SOD2: variants seen among roughly 807,000 people sequenced by gnomAD.
The protein encoded by SOD2 is superoxide dismutase 2, also known as superoxide dismutase [Mn], mitochondrial.
Under a neutral mutation model 27.0 loss-of-function variants are expected in SOD2, and 11 were observed. The ratio of observed to expected loss-of-function variants is 0.41; its 90% CI spans 0.26 to 0.67. SOD2 has a LOEUF of 0.67. Ranked by LOEUF, SOD2 falls within the 30% of genes least tolerant of loss-of-function variation. The probability of loss-of-function intolerance (pLI) is 0.34; values close to 1 mark genes in which losing one functional copy is unlikely to be tolerated. For missense variants in SOD2, 250 were observed against 274.5 expected, an observed-to-expected ratio of 0.91 and a Z score of 0.63; for synonymous variants, 105 against 103.0, an observed-to-expected ratio of 1.02 and a Z score of -0.12.
rs764150989 is a variant in SOD2 at position 159,682,618 on chromosome 6, T to C, written c.544A>G (p.Ile182Val). Residue 182 changes from isoleucine (I) to valine (V), a missense_variant, in exon 5 of 5, where the codon ATT (isoleucine) becomes GTT (valine). Coordinates refer to ENST00000538183, the MANE Select transcript of SOD2 (RefSeq NM_000636.4). ...GTTGLIPLLG[I>V]DVWEHAYYLQ... ...TAGTAAGCGTGCTCCCACACATCAA[T>C]CCCCAGCAGTGGAATAAGGCCTGTT... 6.2e-7 allele frequency: 1 copy of C among 1,612,304 alleles called. No individual in the cohort carries two copies. The highest frequency in any genetic ancestry group is 2.2e-5 in the East Asian group (1 of 44,750).
chr6:159,758,702 TGGTAA>T (rs1219399791), intron 1 of SOD2, among the ~76,000 whole-genome samples: 1 of 152,164 alleles, frequency 6.6e-6, no homozygotes, highest in Non-Finnish European at 1.5e-5. Context: ...TAGCCCCTAG[TGGTAA>T]GGAGTACACT....
Position 159,692,841 on chromosome 6 carries a change from C to G in SOD2, c.46G>C (p.Val16Leu), listed in dbSNP as rs774208220. 6.2e-7 allele frequency: 1 copy of G among 1,611,342 alleles called. No homozygotes were observed. Among genetic ancestry groups the G allele is most frequent in the Admixed American group, 1.7e-5 (1 of 59,676 alleles). Residue 16 changes from valine to leucine, a missense_variant, in exon 2 of 5, where the codon GTT (valine) becomes CTT (leucine). Coordinates refer to ENST00000538183, the MANE Select transcript of SOD2 (RefSeq NM_000636.4). ...TGCCTGGAGCCCAGATACCCCAAAA[C>G]CGGAGCCAGCTGCCTGCTGGTGCTG... ...VCGTSRQLAP[V>L]LGYLGSRQKH...
chr6:159,748,147 G>T, upstream of SOD2: 1 of 1,570,508 alleles, frequency 6.4e-7, no homozygotes, highest in South Asian at 1.2e-5. The surrounding 1 kb of genome is among the most constrained non-coding windows in gnomAD (Gnocchi z 5.6). Flanking sequence ...TCTTATGTAT[G>T]TTTCCTTTGA....
intron 1 of SOD2, among the ~76,000 whole-genome samples, chr6:159,738,482 C>G (rs1779052230): frequency 6.6e-6 from 1 of 152,058 alleles, no homozygotes; most frequent in Non-Finnish European, 1.5e-5. Context: ...AATCATTTGC[C>G]TGTTAAAGGA....
chr6:159,698,447 C>G (rs1462105903), intron 1 of SOD2, among the ~76,000 whole-genome samples: 4 of 151,558 alleles, frequency 2.6e-5, no homozygotes, highest in Non-Finnish European at 5.9e-5. Context: ...TGGCAAGCAC[C>G]TGCAGTCCCA....
rs534777932 is a variant in SOD2 at position 159,682,488 on chromosome 6, G to T, written c.*5C>A. Reference sequence around the variant, plus strand: ...GCTTAACATACTCAGCATAACGATCGTGGTTTACTTTTTGCAAGCCATGTA... The same window carrying T: ...GCTTAACATACTCAGCATAACGATCTTGGTTTACTTTTTGCAAGCCATGTA... On this transcript the variant is annotated 3_prime_UTR_variant, in exon 5 of 5. Coordinates refer to ENST00000538183, the MANE Select transcript of SOD2 (RefSeq NM_000636.4). The T allele has an allele frequency of 6.2e-7, 1 of 1,612,828 alleles. No individual in the cohort carries two copies. The highest frequency in any genetic ancestry group is 1.1e-5 in the South Asian group (1 of 90,940).
At chr6:159,758,255 G>GA (rs71742935) in intron 1 of SOD2, among the ~76,000 whole-genome samples, 2,916 of 141,354 alleles carry the variant, frequency 0.021, 25 homozygotes, top group Middle Eastern at 0.1. Context: ...GGGCTGCTGT[G>GA]AAAAAAAAAA....
intron 1 of SOD2, among the ~76,000 whole-genome samples, chr6:159,701,424 A>G (rs1777520684): frequency 6.6e-6 from 1 of 152,292 alleles, no homozygotes; most frequent in East Asian, 1.9e-4. Flanking sequence ...CACGGGACCA[A>G]GCTGGGCGTG....
chr6:159,735,728 G>A (rs575463177), intron 1 of SOD2, among the ~76,000 whole-genome samples: 55 of 152,040 alleles, frequency 3.6e-4, no homozygotes, highest in African/African-American at 1.1e-3. Context: ...CATCCTGGGC[G>A]ACAGAGTGAG....
intron 1 of SOD2, among the ~76,000 whole-genome samples, chr6:159,757,336 C>T (rs1780036454): frequency 2.0e-5 from 3 of 152,090 alleles, no homozygotes; most frequent in Admixed American, 2.0e-4. Context: ...GCTTGTTTAG[C>T]TGATACAGGT....
intron 1 of SOD2, among the ~76,000 whole-genome samples, chr6:159,734,326 G>A (rs536699915): frequency 7.4e-5 from 11 of 148,514 alleles, no homozygotes; most frequent in Admixed American, 6.8e-5. Context: ...AGTAGCTTTC[G>A]AGATGATGCC....
At chr6:159,729,519 C>A (rs1778435846), upstream of SOD2, among the ~76,000 whole-genome samples, 1 of 152,152 alleles carries the variant, frequency 6.6e-6, no homozygotes, top group African/African-American at 2.4e-5. Context: ...TTAATCTTTT[C>A]TAAGTGCACA....
chr6:159,684,239 T>C (rs551732699), intron 4 of SOD2, among the ~76,000 whole-genome samples: 11 of 152,306 alleles, frequency 7.2e-5, no homozygotes, highest in South Asian at 6.2e-4. Context: ...CTCACTCTTG[T>C]TCTATAGCTA....
intron 1 of SOD2, among the ~76,000 whole-genome samples, chr6:159,698,571 CAAAAAAAAAAAAAA>C (rs66652436): frequency 3.1e-5 from 3 of 95,724 alleles, no homozygotes; most frequent in Admixed American, 1.1e-4. Context: ...GACCTTGTCT[CAAAAAAAAAAAAAA>C]AAAAAAAAAA....
At chr6:159,704,687 C>A (rs540804884) in intron 1 of SOD2, among the ~76,000 whole-genome samples, 12 of 152,334 alleles carry the variant, frequency 7.9e-5, no homozygotes, top group Admixed American at 7.2e-4. Flanking sequence ...TCTGTAGACT[C>A]CACCTCTGGG....
At chr6:159,732,341 G>C (rs2758311), upstream of SOD2, among the ~76,000 whole-genome samples, 69,157 of 151,856 alleles carry the variant, frequency 0.46, 17,899 homozygotes, top group Non-Finnish European at 0.58. Flanking sequence ...CTAGATAAAA[G>C]GTATACCACC....
intron 1 of SOD2, among the ~76,000 whole-genome samples, chr6:159,750,676 C>T (rs1473055410): frequency 6.6e-6 from 1 of 152,064 alleles, no homozygotes; most frequent in African/African-American, 2.4e-5. Flanking sequence ...TGTATCTAGA[C>T]AACTACATTT....
upstream of SOD2, among the ~76,000 whole-genome samples, chr6:159,747,548 C>T (rs1779646189): frequency 6.6e-6 from 1 of 152,148 alleles, no homozygotes; most frequent in Non-Finnish European, 1.5e-5. Flanking sequence ...GCTGTAACAG[C>T]AACTCTTGTA....
rs1027818733 is a variant in SOD2, at chr6:159,722,067, A to T, written c.-116+5062T>A. On this transcript the variant is annotated intron_variant, in intron 1 of 2. Coordinates refer to the SOD2 transcript ENST00000401980. Reference sequence around the variant, plus strand: ...CTGGGTATAAACCACATTCTTTATTAAAAAAAAAAAGAAAAAAAAAGCAGG... The same window carrying T: ...CTGGGTATAAACCACATTCTTTATTTAAAAAAAAAAGAAAAAAAAAGCAGG... Among the ~76,000 whole-genome samples, 84 of 146,108 alleles carry T rather than the reference A, an allele frequency of 5.7e-4. 1 individual carries two copies. Among genetic ancestry groups the T allele is most frequent in the Non-Finnish European group, 9.7e-4 (64 of 66,080 alleles).
Sources: gnomAD v4.1 joint callset for allele counts (sites outside exome capture counted in the v4.1 genomes callset) on GRCh38, gnomAD v4.1.1 for gene constraint, Gnocchi (gnomAD v3.1) non-coding constraint, MANE v1.5 for transcripts, NCBI Gene and HGNC (gene_info 2026-07-23, HGNC 2026-07-21) for gene names.